The following EPB41L5 variants were observed in gnomAD, a reference collection of about 807,000 sequenced individuals.
EPB41L5 encodes the protein band 4.1-like protein 5.
EPB41L5 carries 55 observed loss-of-function variants against 106.6 expected under a neutral mutation model. The ratio of observed to expected loss-of-function variants is 0.52; its 90% CI spans 0.42 to 0.65. The LOEUF (loss-of-function observed/expected upper bound fraction) is 0.65. Among genes scored for constraint, EPB41L5 ranks in the 30% least tolerant of loss-of-function variants. EPB41L5 has a pLI of 0.00. For missense variants in EPB41L5, 871 were observed against 882.1 expected (o/e 0.99, Z 0.16); for synonymous variants, 297 against 306.7 (o/e 0.97, Z 0.33).
At chr2:120,117,918 A>G (rs1685024559) in intron 16 of EPB41L5, among the ~76,000 whole-genome samples, 1 of 151,798 alleles carries the variant, frequency 6.6e-6, no homozygotes, top group Non-Finnish European at 1.5e-5. Context: ...TTTTTTGTGG[A>G]TAATTGGGAT....
chr2:120,155,773 A>G (rs1268103390), intron 20 of EPB41L5, among the ~76,000 whole-genome samples: 1 of 151,378 alleles, frequency 6.6e-6, no homozygotes, highest in Non-Finnish European at 1.5e-5. Flanking sequence ...TGAATCTGCT[A>G]TTGAAATCCT....
chr2:120,110,655 G>A (rs79867120), intron 16 of EPB41L5, among the ~76,000 whole-genome samples: 1 of 55,396 alleles, frequency 1.8e-5, no homozygotes, highest in Non-Finnish European at 3.6e-5. Flanking sequence ...TTTTTTTTTT[G>A]AGACCAAGTC....
At chr2:120,158,429 T>C (rs995107368) in intron 20 of EPB41L5, among the ~76,000 whole-genome samples, 3 of 152,308 alleles carry the variant, frequency 2.0e-5, no homozygotes, top group African/African-American at 4.8e-5. Context: ...CAAGGTTGGT[T>C]CAGCATATGA....
rs1682186269 is a variant in EPB41L5, at chr2:120,075,736, C to T, written c.488C>T (p.Ala163Val). ...DCPFDTAVQL[A>V]AYNLQAELGD... is the part of the protein sequence containing the mutation. Reference sequence around the variant, plus strand: ...CCCTTTGATACAGCAGTGCAATTGGCAGCTTATAATCTGCAAGGTAAGCAA... The same window carrying T: ...CCCTTTGATACAGCAGTGCAATTGGTAGCTTATAATCTGCAAGGTAAGCAA... The change falls in exon 7 of 25, where the codon GCA (alanine) becomes GTA (valine). Residue 163 changes from alanine to valine, a missense_variant. Coordinates refer to ENST00000263713, the MANE Select transcript of EPB41L5 (RefSeq NM_020909.4). The T allele has an allele frequency of 6.2e-7, 1 of 1,613,298 alleles. No homozygotes were observed. Among genetic ancestry groups the T allele is most frequent in the Non-Finnish European group, 8.5e-7 (1 of 1,179,414 alleles).
At chr2:120,018,306 T>C (rs1677684334) in intron 1 of EPB41L5, among the ~76,000 whole-genome samples, 1 of 152,022 alleles carries the variant, frequency 6.6e-6, no homozygotes, top group Non-Finnish European at 1.5e-5. Flanking sequence ...GATACCTTAG[T>C]GTCTGACATC....
chr2:120,154,095 G>GT (rs202152737), intron 20 of EPB41L5, among the ~76,000 whole-genome samples: 7,372 of 140,382 alleles, frequency 0.053, 205 homozygotes, highest in African/African-American at 0.07. Context: ...TTTGTTTAAC[G>GT]TTTTTTTTTT....
chr2:120,091,690 A>G (rs765929344), intron 13 of EPB41L5, 29 bp downstream of exon 13: 9 of 1,551,130 alleles, frequency 5.8e-6, no homozygotes, highest in East Asian at 4.5e-5. Context: ...TCAAAGGATT[A>G]TTTTTCCTTG....
intron 19 of EPB41L5, among the ~76,000 whole-genome samples, chr2:120,145,497 C>A (rs1686357346): frequency 6.6e-6 from 1 of 152,004 alleles, no homozygotes; most frequent in Non-Finnish European, 1.5e-5. Flanking sequence ...TCATCATTTA[C>A]CTCAAATAAG....
intron 16 of EPB41L5, among the ~76,000 whole-genome samples, chr2:120,117,529 G>GT (rs1317622625): frequency 6.6e-6 from 1 of 152,160 alleles, no homozygotes; most frequent in Admixed American, 6.5e-5. Context: ...GACCAGCAGA[G>GT]TATGAGAGTG....
chr2:120,083,388 G>T (rs1682822391), intron 10 of EPB41L5, among the ~76,000 whole-genome samples: 1 of 152,152 alleles, frequency 6.6e-6, no homozygotes, highest in Non-Finnish European at 1.5e-5. Context: ...GGAGCAAGTT[G>T]TTCATTTTCC....
intron 3 of EPB41L5, among the ~76,000 whole-genome samples, chr2:120,049,868 A>G (rs570225801): frequency 1.1e-3 from 166 of 152,278 alleles, no homozygotes; most frequent in African/African-American, 3.7e-3. Flanking sequence ...CGTGGTGACA[A>G]AATCTCTCAC....
At chr2:120,091,168 T>C (rs190627338) in intron 12 of EPB41L5, among the ~76,000 whole-genome samples, 1 of 152,150 alleles carries the variant, frequency 6.6e-6, no homozygotes, top group Non-Finnish European at 1.5e-5. Flanking sequence ...AAAAAACATT[T>C]CTGGAAAATT....
At chr2:120,048,515 T>C (rs1679985405) in intron 3 of EPB41L5, among the ~76,000 whole-genome samples, 2 of 152,192 alleles carry the variant, frequency 1.3e-5, no homozygotes, top group Non-Finnish European at 2.9e-5. Context: ...ATCCCCTTTA[T>C]CATTTTTTAT....
At chr2:120,150,871 C>T (rs766849433) in intron 20 of EPB41L5, among the ~76,000 whole-genome samples, 13 of 152,070 alleles carry the variant, frequency 8.5e-5, no homozygotes, top group South Asian at 2.1e-4. Flanking sequence ...TTTGTTTTGA[C>T]GAAGTCTAAT....
chr2:120,116,486 G>C (rs1161341947), intron 16 of EPB41L5, among the ~76,000 whole-genome samples: 5 of 151,942 alleles, frequency 3.3e-5, no homozygotes, highest in Non-Finnish European at 7.4e-5. Context: ...AATGTTTCTT[G>C]CCAAAAGAAG....
At chr2:120,061,584 T>G (rs1681082423) in intron 3 of EPB41L5, among the ~76,000 whole-genome samples, 1 of 151,252 alleles carries the variant, frequency 6.6e-6, no homozygotes, top group South Asian at 2.1e-4. Flanking sequence ...GTTCTTGACC[T>G]CAGGTGATCT....
At chr2:120,117,481 A>G (rs1685001454) in intron 16 of EPB41L5, among the ~76,000 whole-genome samples, 2 of 152,114 alleles carry the variant, frequency 1.3e-5, no homozygotes, top group African/African-American at 4.8e-5. Context: ...ATTTTTCTAG[A>G]TATTGCCTGA....
At chr2:120,014,593 T>C (rs1433147893) in intron 1 of EPB41L5, among the ~76,000 whole-genome samples, 1 of 152,210 alleles carries the variant, frequency 6.6e-6, no homozygotes, top group Non-Finnish European at 1.5e-5. Flanking sequence ...AAGTCTGAGA[T>C]TGCTTTTCTG....
At position 120,147,920 on chromosome 2, in the gene EPB41L5, T is replaced by TA. The variant is rs1686481298; in HGVS notation, c.1793+1632dup. 5.9e-5 allele frequency among the ~76,000 whole-genome samples: 9 copies of TA among 152,184 alleles called. No homozygotes were observed. The South Asian group carries it at 1.9e-3, about 32-fold the overall frequency. On this transcript the variant is annotated intron_variant, in intron 20 of 24. Transcript: ENST00000263713. ...CATCCTTTGAAATATACTAGGTTCT[T>TA]ATATAAACATGGGTGTATTTCTAGA...
Sources: allele counts gnomAD v4.1 joint callset (sites outside exome capture counted in the v4.1 genomes callset), GRCh38; gene constraint gnomAD v4.1.1; transcripts MANE v1.5; gene names NCBI Gene and HGNC (gene_info 2026-07-23, HGNC 2026-07-21).